Variants in LEF1 observed in about 807,000 individuals in gnomAD.
LEF1 encodes lymphoid enhancer-binding factor 1.
In LEF1, 14 loss-of-function variants were observed where a neutral mutation model predicts 51.2. The observed-to-expected ratio is 0.27, with a 90% CI of 0.18 to 0.43. The LOEUF is 0.43. LEF1 is among the 20% of genes least tolerant of loss of function. The pLI is 1.00. For missense variants in LEF1, 386 were observed against 512.0 expected, an observed-to-expected ratio of 0.75 and a Z score of 2.37; for synonymous variants, 185 against 183.2, an observed-to-expected ratio of 1.01 and a Z score of -0.08.
At chr4:108,152,280 A>G (rs1196171965) in intron 3 of LEF1, among the ~76,000 whole-genome samples, 1 of 152,202 alleles carries the variant, frequency 6.6e-6, no homozygotes, top group Non-Finnish European at 1.5e-5. Flanking sequence ...GGGTTTTGGA[A>G]AAGGGTTTAG....
At chr4:108,082,987 G>A (rs550130193) in intron 5 of LEF1, among the ~76,000 whole-genome samples, 12 of 152,178 alleles carry the variant, frequency 7.9e-5, no homozygotes, top group South Asian at 2.1e-4. Context: ...TATTCAATGC[G>A]TCTAAATTCA....
Position 108,079,496 on chromosome 4 carries a change from G to A in LEF1, c.841C>T (p.His281Tyr), listed in dbSNP as rs1337710007. ...AGAGCCCGGGTGGATACTTACACGT[G>A]CATTAGGTCACTGTCAGTGTGGGGA... ...EHPHTDSDLM[H>Y]VKPQHEQRKE... Residue 281 changes from histidine (H) to tyrosine (Y), a missense_variant, in exon 7 of 12, where the codon CAC (histidine) becomes TAC (tyrosine). Transcript: ENST00000265165. 1.2e-6 allele frequency: 2 copies of A among 1,614,112 alleles called. No individual in the cohort carries two copies.
intron 3 of LEF1, among the ~76,000 whole-genome samples, chr4:108,100,906 T>A (rs182736142): frequency 6.6e-6 from 1 of 152,366 alleles, no homozygotes; most frequent in African/African-American, 2.4e-5. Flanking sequence ...TTGATCTCTG[T>A]CTGAAACTAT....
At chr4:108,157,073 C>A (rs2110408317) in intron 3 of LEF1, among the ~76,000 whole-genome samples, 1 of 151,446 alleles carries the variant, frequency 6.6e-6, no homozygotes. Flanking sequence ...AAGCTGACAA[C>A]AATAATAAAA....
At chr4:108,049,748 A>G (rs1736858429) in intron 11 of LEF1, among the ~76,000 whole-genome samples, 1 of 152,256 alleles carries the variant, frequency 6.6e-6, no homozygotes, top group South Asian at 2.1e-4. Context: ...ATAATGGTGG[A>G]TTATCGTACA....
chr4:108,156,830 G>A (rs747886365), intron 3 of LEF1, among the ~76,000 whole-genome samples: 1 of 151,284 alleles, frequency 6.6e-6, no homozygotes, highest in South Asian at 2.1e-4. Context: ...AGTGTCAAAC[G>A]ATAGACAGTA....
In LEF1 at chr4:108,070,759, G is replaced by C. The variant is rs748942249; in HGVS notation, c.1020C>G (p.Leu340=). 2.5e-6 allele frequency: 4 copies of C among 1,611,596 alleles called. No individual in the cohort carries two copies. The highest frequency in any genetic ancestry group is 1.7e-6 in the Non-Finnish European group (2 of 1,178,108). ...AATATTTAGCCTGCTCTTCACGGGA[G>C]AGGGCATGCCACTAAAACAGAGAGG... ...NQILGRRWHA[L]SREEQAKYYE... Residue 340 remains leucine (L), a synonymous_variant, in exon 9 of 12, where the codon CTC becomes CTG. Coordinates refer to ENST00000265165, the MANE Select transcript of LEF1 (RefSeq NM_016269.5).
chr4:108,115,563 T>C (rs1292380906), intron 3 of LEF1, among the ~76,000 whole-genome samples: 1 of 152,132 alleles, frequency 6.6e-6, no homozygotes, highest in Non-Finnish European at 1.5e-5. Context: ...AACAGTAGGA[T>C]GAAGCTGAGT....
chr4:108,147,728 C>G (rs933142664), intron 3 of LEF1, among the ~76,000 whole-genome samples: 2 of 152,188 alleles, frequency 1.3e-5, no homozygotes, highest in African/African-American at 4.8e-5. Flanking sequence ...TATGTGGTAA[C>G]TAAATAATAT....
At chr4:108,090,226 C>T (rs1560782055) in intron 3 of LEF1, among the ~76,000 whole-genome samples, 1 of 152,154 alleles carries the variant, frequency 6.6e-6, no homozygotes, top group Admixed American at 6.5e-5. Flanking sequence ...GATCTGCCCA[C>T]TTTGGCCTCC....
chr4:108,064,650 C>G (rs1417111201), intron 9 of LEF1, among the ~76,000 whole-genome samples: 3 of 133,170 alleles, frequency 2.3e-5, no homozygotes, highest in African/African-American at 1.0e-4. Flanking sequence ...CTCTCTCTCT[C>G]TCACTCACAC....
Position 108,048,127 on chromosome 4 carries a change from T to C in LEF1, c.*631A>G, listed in dbSNP as rs1736740324. On this transcript the variant is annotated 3_prime_UTR_variant, in exon 12 of 12. Transcript: ENST00000265165. ...ACTTTCAATTTTATTTAAAAGCTCA[T>C]AGCTAGCAAAATATACAAGAAAATT... 6.6e-6 allele frequency: 1 copy of C among 152,094 alleles called. No individual in the cohort carries two copies. Among genetic ancestry groups the C allele is most frequent in the East Asian group, 1.9e-4 (1 of 5,154 alleles). The allele number at this position is 152,094 out of a possible 1,614,324, so 9.4% of individuals were successfully genotyped here.
chr4:108,051,970 C>T (rs1737026210), intron 11 of LEF1, among the ~76,000 whole-genome samples: 1 of 152,178 alleles, frequency 6.6e-6, no homozygotes, highest in East Asian at 1.9e-4. Flanking sequence ...AAGGGGGAAA[C>T]TCCTTCTCTC....
At chr4:108,135,004 C>A (rs539501943) in intron 3 of LEF1, among the ~76,000 whole-genome samples, 1 of 152,218 alleles carries the variant, frequency 6.6e-6, no homozygotes, top group Admixed American at 6.5e-5. Flanking sequence ...TCACTAGGTC[C>A]AAAAAGACCC....
At chr4:108,081,720 A>G in intron 5 of LEF1, 51 bp from the exon 6 acceptor site, 1 of 1,329,076 alleles carries the variant, frequency 7.5e-7, no homozygotes, top group Non-Finnish European at 1.1e-6. Flanking sequence ...CCAGTTACCA[A>G]CCAGTAGTAA....
intron 3 of LEF1, among the ~76,000 whole-genome samples, chr4:108,143,230 TAC>T (rs1489967322): frequency 6.6e-6 from 1 of 152,228 alleles, no homozygotes; most frequent in African/African-American, 2.4e-5. Context: ...TTTACTGGGT[TAC>T]AGTTTTTATG....
intron 11 of LEF1, among the ~76,000 whole-genome samples, chr4:108,059,912 T>G (rs550084713): frequency 6.6e-4 from 100 of 152,320 alleles, no homozygotes; most frequent in African/African-American, 2.2e-3. Context: ...CTCAAATTCC[T>G]GGGCTCAAGC....
intron 3 of LEF1, among the ~76,000 whole-genome samples, chr4:108,113,885 G>T (rs1294522945): frequency 6.6e-6 from 1 of 152,110 alleles, no homozygotes; most frequent in African/African-American, 2.4e-5. Flanking sequence ...AAGTTGCTTT[G>T]TTCTGCTTTC....
rs539689304 is a variant in LEF1 at position 108,087,726 on chromosome 4, C to T, written c.547+1399G>A. ...AATAATTAACAACTAAATAGGTTCC[C>T]AGATGTGCACCTCCTGCTCGGATGC... is the stretch of plus-strand genomic sequence containing the variant. On this transcript the variant is annotated intron_variant, in intron 4 of 11. Coordinates refer to ENST00000265165, the MANE Select transcript of LEF1 (RefSeq NM_016269.5). 2.0e-5 allele frequency among the ~76,000 whole-genome samples: 3 copies of T among 152,258 alleles called. No individual in the cohort carries two copies. The South Asian group carries it at 6.2e-4, about 32-fold the overall frequency.
Sources: gnomAD v4.1 joint callset for allele counts (sites outside exome capture counted in the v4.1 genomes callset) on GRCh38, gnomAD v4.1.1 for gene constraint, MANE v1.5 for transcripts, NCBI Gene and HGNC (gene_info 2026-07-23, HGNC 2026-07-21) for gene names.